CD44: variants seen among roughly 807,000 people sequenced by gnomAD.
CD44 encodes CD44 molecule (IN blood group).
A neutral mutation model predicts 88.8 loss-of-function variants in CD44; 49 were observed. That is an observed-to-expected ratio of 0.55 (90% confidence interval 0.44 to 0.70). The LOEUF (loss-of-function observed/expected upper bound fraction) is 0.70, where lower values mean the gene tolerates loss of function less well. CD44 is among the 30% of genes least tolerant of loss of function. The pLI, the probability that CD44 is intolerant of heterozygous loss-of-function variation, is 0.00. For synonymous variants in CD44, 325 were observed against 312.3 expected, an observed-to-expected ratio of 1.04 and a Z score of -0.43; for missense variants, 883 against 913.8, an observed-to-expected ratio of 0.97 and a Z score of 0.43.
intron 3 of CD44, 63 bp downstream of exon 3, chr11:35,180,470 A>C: frequency 2.5e-6 from 4 of 1,583,102 alleles, no homozygotes; most frequent in Non-Finnish European, 2.6e-6. Flanking sequence ...TTTGGAGCTC[A>C]GCTTAAGTGG....
At position 35,150,136 on chromosome 11, in the gene CD44, T is replaced by G. The variant is rs76169505; in HGVS notation, c.67+10766T>G. ...AGAAGAGAAAAATTGTTCCCTTCAC[T>G]CTCAGAGCTTCATGAGCACCTTGGA... On this transcript the variant is annotated intron_variant, in intron 1 of 17. Coordinates refer to ENST00000428726, the MANE Select transcript of CD44 (RefSeq NM_000610.4). Among the ~76,000 whole-genome samples, 433 of 152,326 alleles carry G rather than the reference T, an allele frequency of 2.8e-3. 2 individuals carry two copies. Among genetic ancestry groups the G allele is most frequent in the African/African-American group, 9.9e-3 (410 of 41,574 alleles).
chr11:35,157,360 T>TATC (rs1365282151), intron 1 of CD44, among the ~76,000 whole-genome samples: 2 of 151,038 alleles, frequency 1.3e-5, no homozygotes, highest in Non-Finnish European at 2.9e-5. Context: ...TCTATCTATC[T>TATC]ATCTATCATC....
intron 3 of CD44, among the ~76,000 whole-genome samples, chr11:35,185,860 C>T (rs1375133642): frequency 6.6e-6 from 1 of 152,162 alleles, no homozygotes; most frequent in Non-Finnish European, 1.5e-5. Flanking sequence ...AGCTACACTG[C>T]AGTCTGCTTT....
intron 1 of CD44, among the ~76,000 whole-genome samples, chr11:35,160,669 T>A (rs1942483367): frequency 6.6e-6 from 1 of 152,222 alleles, no homozygotes; most frequent in Non-Finnish European, 1.5e-5. Flanking sequence ...TAAAGTGACT[T>A]CTGTAAGTAC....
chr11:35,140,659 T>TCA (rs1454471594), intron 1 of CD44, among the ~76,000 whole-genome samples: 1 of 152,008 alleles, frequency 6.6e-6, no homozygotes, highest in African/African-American at 2.4e-5. Context: ...GAGTGAGAGG[T>TCA]CTTTGCTAGG....
chr11:35,199,524 C>T (rs1947086491), intron 7 of CD44, among the ~76,000 whole-genome samples: 1 of 152,032 alleles, frequency 6.6e-6, no homozygotes, highest in African/African-American at 2.4e-5. Context: ...AGAATTTCAT[C>T]CTCAAATGGA....
chr11:35,185,878 C>T (rs536971422), intron 3 of CD44, among the ~76,000 whole-genome samples: 55 of 152,254 alleles, frequency 3.6e-4, no homozygotes, highest in Admixed American at 2.6e-3. Flanking sequence ...TTTTAAGACA[C>T]AAGGAATGGA....
At chr11:35,213,414 G>A (rs1393938201) in intron 14 of CD44, among the ~76,000 whole-genome samples, 1 of 152,180 alleles carries the variant, frequency 6.6e-6, no homozygotes, top group Non-Finnish European at 1.5e-5. Flanking sequence ...TAAAGCATTT[G>A]TTGAAGCAAG....
chr11:35,156,976 C>T (rs1031618670), intron 1 of CD44, among the ~76,000 whole-genome samples: 1 of 152,136 alleles, frequency 6.6e-6, no homozygotes, highest in African/African-American at 2.4e-5. Flanking sequence ...TGAGGTTACA[C>T]TGAGCTAAGA....
At chr11:35,181,877 TATATAA>T (rs1945077957) in intron 3 of CD44, among the ~76,000 whole-genome samples, 3 of 76,772 alleles carry the variant, frequency 3.9e-5, no homozygotes, top group Admixed American at 2.0e-4. Flanking sequence ...ATATATATTA[TATATAA>T]TTCTATATAT....
In CD44 at chr11:35,159,344, C is replaced by A. The variant is rs139547653; in HGVS notation, c.68-17231C>A. On this transcript the variant is annotated intron_variant, in intron 1 of 17. Transcript: ENST00000428726. ...TCAGAAGTGAGTAAGGCTTTTGCAC[C>A]TTTTAATAGGAGTATTTACATGTGT... 7.9e-5 allele frequency among the ~76,000 whole-genome samples: 12 copies of A among 152,302 alleles called. No homozygotes were observed. In the East Asian group the frequency reaches 2.3e-3, roughly 29 times the overall value.
At chr11:35,227,055 C>A (rs1037514369) in intron 17 of CD44, among the ~76,000 whole-genome samples, 2 of 151,912 alleles carry the variant, frequency 1.3e-5, no homozygotes, top group Admixed American at 6.6e-5. Context: ...CCATGACCGG[C>A]TAATTTTTGT....
chr11:35,199,411 C>T (rs911884345), intron 7 of CD44, among the ~76,000 whole-genome samples: 1 of 152,050 alleles, frequency 6.6e-6, no homozygotes, highest in African/African-American at 2.4e-5. Flanking sequence ...GAATCCTGAA[C>T]CTGACTCCAT....
At chr11:35,207,131 G>A (rs538064230) in intron 11 of CD44, among the ~76,000 whole-genome samples, 1 of 152,182 alleles carries the variant, frequency 6.6e-6, no homozygotes, top group Non-Finnish European at 1.5e-5. Flanking sequence ...TTTGATTCAG[G>A]TTAGCACTTG....
At chr11:35,152,521 C>T (rs1429928622) in intron 1 of CD44, among the ~76,000 whole-genome samples, 1 of 152,234 alleles carries the variant, frequency 6.6e-6, no homozygotes, top group African/African-American at 2.4e-5. Context: ...ATAATAATCC[C>T]TCTGCCTCCC....
chr11:35,162,786 C>T (rs574076918), intron 1 of CD44, among the ~76,000 whole-genome samples: 19 of 152,014 alleles, frequency 1.2e-4, no homozygotes, highest in Non-Finnish European at 2.4e-4. Context: ...TGTGTAACTC[C>T]CCAAAACATC....
chr11:35,203,185 T>A (rs1183283717), intron 9 of CD44, among the ~76,000 whole-genome samples: 1 of 152,194 alleles, frequency 6.6e-6, no homozygotes, highest in Non-Finnish European at 1.5e-5. Context: ...AAAGTCAACC[T>A]TCATCTTTTA....
intron 1 of CD44, among the ~76,000 whole-genome samples, chr11:35,142,822 T>C (rs952574635): frequency 1.3e-5 from 2 of 152,184 alleles, no homozygotes; most frequent in Admixed American, 1.3e-4. Flanking sequence ...CATGACAGAT[T>C]CCCTTCCATT....
intron 1 of CD44, among the ~76,000 whole-genome samples, chr11:35,157,973 T>TC (rs1409991451): frequency 6.6e-6 from 1 of 152,114 alleles, no homozygotes; most frequent in Non-Finnish European, 1.5e-5. Flanking sequence ...CATCAGATCA[T>TC]CCCCAGGCTT....
Sources: allele counts gnomAD v4.1 joint callset (sites outside exome capture counted in the v4.1 genomes callset), GRCh38; gene constraint gnomAD v4.1.1; transcripts MANE v1.5; gene names NCBI Gene and HGNC (gene_info 2026-07-23, HGNC 2026-07-21).